NFKBIE: variants seen among roughly 807,000 people sequenced by gnomAD.
The protein encoded by NFKBIE is NF-kappa-B inhibitor epsilon.
Under a neutral mutation model 31.6 loss-of-function variants are expected in NFKBIE, and 11 were observed. The observed-to-expected ratio is 0.35, with a 90% CI of 0.22 to 0.58. The LOEUF is 0.58. Among genes scored for constraint, NFKBIE ranks in the 20% least tolerant of loss-of-function variants. The pLI, the probability that NFKBIE is intolerant of heterozygous loss-of-function variation, is 0.83. For missense variants in NFKBIE, 354 were observed against 465.7 expected (o/e 0.76, Z 2.21); for synonymous variants, 208 against 210.1 (o/e 0.99, Z 0.09).
At chr6:44,264,090 C>T (rs1045230967) in intron 1 of NFKBIE, among the ~76,000 whole-genome samples, 5 of 152,208 alleles carry the variant, frequency 3.3e-5, no homozygotes, top group African/African-American at 7.2e-5. Context: ...GGACAGCCAC[C>T]TCCTGCCTCC....
In NFKBIE at chr6:44,260,382, C is replaced by A; in HGVS notation, c.780+69G>T. 1 of 1,613,238 alleles carries A rather than the reference C, an allele frequency of 6.2e-7. No individual in the cohort carries two copies. On this transcript the variant is annotated intron_variant, in intron 4 of 5. Transcript: ENST00000619360. The surrounding 1 kb of genome is among the most constrained non-coding windows in gnomAD (Gnocchi z 5.5). ...AATGCCACCACTTCTGACTGCTGGGCAGGGGACTTGGGGATGTGTCAGGTG... is the reference window on the plus strand; with the variant it reads ...AATGCCACCACTTCTGACTGCTGGGAAGGGGACTTGGGGATGTGTCAGGTG...
In NFKBIE at chr6:44,260,416, C is replaced by T. The variant is rs1781854017; in HGVS notation, c.780+35G>A. The stretch of plus-strand genomic sequence containing the variant: ...TGGGGATGTGTCAGGTGGGGGCAGG[C>T]CCTGGGCCGGGCAGTGCTTTGCTGG... On this transcript the variant is annotated intron_variant, in intron 4 of 5. Transcript: ENST00000619360. The surrounding 1 kb of genome is among the most constrained non-coding windows in gnomAD (Gnocchi z 5.5). 1 of 1,613,882 alleles carries T rather than the reference C, an allele frequency of 6.2e-7. No homozygotes were observed. The highest frequency in any genetic ancestry group is 8.5e-7 in the Non-Finnish European group (1 of 1,179,786).
In NFKBIE at chr6:44,265,302, C is replaced by G; in HGVS notation, c.45G>C (p.Gln15His). Residue 15 changes from glutamine (Q) to histidine (H), a missense_variant, in exon 1 of 6, where the codon CAG (glutamine) becomes CAC (histidine). Transcript: ENST00000619360. ...GCAGAGACTCAATGCCAGAGTCGTA[C>G]TGGCTCTCCTCCGCCTCGTCCGGCC... ...RKGPDEAEES[Q>H]YDSGIESLRS... is the part of the protein sequence containing the mutation. 1 of 1,548,592 alleles carries G rather than the reference C, an allele frequency of 6.5e-7. No homozygotes were observed. Among genetic ancestry groups the G allele is most frequent in the East Asian group, 2.4e-5 (1 of 41,116 alleles).
Position 44,260,826 on chromosome 6 carries a change from A to AACAC in NFKBIE, c.692-291_692-288dup, listed in dbSNP as rs369958691. Among the ~76,000 whole-genome samples the AACAC allele has an allele frequency of 0.21, 24,910 of 118,720 alleles. 2,964 individuals carry two copies. The highest frequency in any genetic ancestry group is 0.44 in the East Asian group (1,601 of 3,646). The allele number at this position is 118,720 out of a possible 152,430, so 77.9% of individuals were successfully genotyped here. A position where few individuals can be genotyped will look rare whatever the true frequency, so the allele number is the denominator to read the frequency against. ...CACCCTCCTCCTATACACAAACTAC[A>AACAC]ACACACACACACACACACACACACA... On this transcript the variant is annotated intron_variant, in intron 3 of 5. Coordinates refer to ENST00000619360, the MANE Select transcript of NFKBIE (RefSeq NM_004556.3). The surrounding 1 kb of genome is among the most constrained non-coding windows in gnomAD (Gnocchi z 5.5).
intron 1 of NFKBIE, among the ~76,000 whole-genome samples, 176 bp from the exon 2 acceptor site, chr6:44,262,838 T>G (rs550780147): frequency 1.3e-5 from 2 of 151,968 alleles, no homozygotes; most frequent in East Asian, 3.9e-4. Context: ...GATCCTAGGG[T>G]TGGAGCTCCA....
chr6:44,259,424 C>T (rs578156429), intron 5 of NFKBIE, 140 bp from the exon 6 acceptor site: 3 of 659,942 alleles, frequency 4.5e-6, no homozygotes, highest in Non-Finnish European at 5.6e-6. Flanking sequence ...AATCTTCACA[C>T]GAATCCTCAA....
intron 1 of NFKBIE, among the ~76,000 whole-genome samples, chr6:44,262,876 C>G (rs568940964): frequency 2.6e-5 from 4 of 152,188 alleles, no homozygotes; most frequent in Admixed American, 2.6e-4. Flanking sequence ...TTCAGGAGGG[C>G]CTTGGCTGGG....
In NFKBIE at chr6:44,262,615, C is replaced by A; in HGVS notation, c.413G>T (p.Cys138Phe). 1 of 1,614,164 alleles carries A rather than the reference C, an allele frequency of 6.2e-7. No individual in the cohort carries two copies. Among genetic ancestry groups the A allele is most frequent in the Non-Finnish European group, 8.5e-7 (1 of 1,180,008 alleles). Residue 138 changes from cysteine to phenylalanine, a missense_variant, in exon 2 of 6, where the codon TGT (cysteine) becomes TTT (phenylalanine). Around this residue, in one of 2 missense-constraint regions of NFKBIE, gnomAD observed 183 missense variants for 310.6 expected, o/e 0.59. Coordinates refer to ENST00000619360, the MANE Select transcript of NFKBIE (RefSeq NM_004556.3). ...CTCCTGGGGCAGCAAAGCCAGGCAA[C>A]AGAGCAGCACCGCTGGGGCCTCATG... ...VIHEAPAVLL[C>F]CLALLPQEVL...
Position 44,260,199 on chromosome 6 carries a change from A to G in NFKBIE, c.864T>C (p.Gly288=), listed in dbSNP as rs765772810. 1.9e-6 allele frequency: 3 copies of G among 1,614,202 alleles called. No homozygotes were observed. Among genetic ancestry groups the G allele is most frequent in the Non-Finnish European group, 2.5e-6 (3 of 1,180,022 alleles). ...TCAGCATGCGGGCATCTACCTGGGCACCAGCCTGGAGCAGGAACTGTACCA... is the reference window on the plus strand; with the variant it reads ...TCAGCATGCGGGCATCTACCTGGGCGCCAGCCTGGAGCAGGAACTGTACCA... ...RGLVQFLLQA[G]AQVDARMLNG... is the part of the protein sequence containing the mutation. Residue 288 remains glycine (G), a synonymous_variant, in exon 5 of 6, where the codon GGT becomes GGC. Transcript: ENST00000619360. This position sits in a 1 kb window ranked among gnomAD's most constrained non-coding sequence, Gnocchi z 5.5.
chr6:44,258,895 G>C lies in NFKBIE; in HGVS notation c.*324C>G, dbSNP rs867887290. On this transcript the variant is annotated 3_prime_UTR_variant, in exon 6 of 6. Coordinates refer to ENST00000619360, the MANE Select transcript of NFKBIE (RefSeq NM_004556.3). Reference sequence around the variant, plus strand: ...AGTCCATGCTTCCTACTGGTTGGCAGTTTCAGGCTGACCCAACATGGGTAA... The same window carrying C: ...AGTCCATGCTTCCTACTGGTTGGCACTTTCAGGCTGACCCAACATGGGTAA... The C allele has an allele frequency of 8.0e-6, 2 of 251,164 alleles. No individual in the cohort carries two copies. Among genetic ancestry groups the C allele is most frequent in the Middle Eastern group, 1.5e-3 (1 of 650 alleles). The allele number at this position is 251,164 out of a possible 1,614,324, so 15.6% of individuals were successfully genotyped here.
rs1781835462 is a variant in NFKBIE at position 44,259,945 on chromosome 6, C to T, written c.1020+98G>A. On this transcript the variant is annotated intron_variant, in intron 5 of 5. Transcript: ENST00000619360. ...GTCAGTGGCAGAGTCCTGGTTATAC[C>T]CCAGGACTCCTGGCTCCCTGGCCCT... 3 of 1,493,934 alleles carry T rather than the reference C, an allele frequency of 2.0e-6. No individual in the cohort carries two copies. The Admixed American group carries it at 5.8e-5, about 29-fold the overall frequency. 92.5% of individuals were successfully genotyped at this position (1,493,934 alleles called of 1,614,324 possible). A position where few individuals can be genotyped will look rare whatever the true frequency, so the allele number is the denominator to read the frequency against.
rs1781927155 is a variant in NFKBIE at position 44,261,717 on chromosome 6, G to A, written c.600C>T (p.His200=). 2 of 1,614,020 alleles carry A rather than the reference G, an allele frequency of 1.2e-6. No individual in the cohort carries two copies. Among genetic ancestry groups the A allele is most frequent in the Admixed American group, 1.7e-5 (1 of 60,016 alleles). The part of the protein sequence containing the change: ...TALHVACQRQ[H]LACARCLLEG... Reference sequence around the variant, plus strand: ...CCAGCAGGCAGCGGGCACAGGCCAAGTGCTGGCGCTGGCAGGCCACATGAA... The same window carrying A: ...CCAGCAGGCAGCGGGCACAGGCCAAATGCTGGCGCTGGCAGGCCACATGAA... Residue 200 remains histidine, a synonymous_variant, in exon 3 of 6, where the codon CAC becomes CAT. Coordinates refer to ENST00000619360, the MANE Select transcript of NFKBIE (RefSeq NM_004556.3). This position sits in a 1 kb window ranked among gnomAD's most constrained non-coding sequence, Gnocchi z 4.3.
rs1295388774 is a variant in NFKBIE, at chr6:44,261,738, ATGAAGGG to A, written c.572_578del (p.Ala191ValfsTer99). On this transcript the variant is annotated frameshift_variant, in exon 3 of 6. Transcript: ENST00000619360. LOFTEE classifies it high-confidence loss of function. This position sits in a 1 kb window ranked among gnomAD's most constrained non-coding sequence, Gnocchi z 4.3. ...CCAAGTGCTGGCGCTGGCAGGCCAC[ATGAAGGG>A]CTGTGTCACCATGCCGGTCCTGTAG... 1 of 1,613,938 alleles carries A rather than the reference ATGAAGGG, an allele frequency of 6.2e-7. No individual in the cohort carries two copies. Among genetic ancestry groups the A allele is most frequent in the Non-Finnish European group, 8.5e-7 (1 of 1,180,026 alleles).
Position 44,261,532 on chromosome 6 carries a change from G to T in NFKBIE, c.691+94C>A. The T allele has an allele frequency of 7.5e-7, 1 of 1,335,346 alleles. No individual in the cohort carries two copies. Among genetic ancestry groups the T allele is most frequent in the Non-Finnish European group, 1.0e-6 (1 of 952,972 alleles). The allele number at this position is 1,335,346 out of a possible 1,614,324, so 82.7% of individuals were successfully genotyped here. A position where few individuals can be genotyped will look rare whatever the true frequency, so the allele number is the denominator to read the frequency against. On this transcript the variant is annotated intron_variant, in intron 3 of 5. Transcript: ENST00000619360. This position sits in a 1 kb window ranked among gnomAD's most constrained non-coding sequence, Gnocchi z 4.3. ...CAGTGGGAGGGGCACCAATGGACAAGCTGGGACCCTCCCTTCCCCAAGAGT... is the reference window on the plus strand; with the variant it reads ...CAGTGGGAGGGGCACCAATGGACAATCTGGGACCCTCCCTTCCCCAAGAGT...
At position 44,261,524 on chromosome 6, in the gene NFKBIE, A is replaced by G. The variant is rs571276006; in HGVS notation, c.691+102T>C. ...TGTGCTTACAGTGGGAGGGGCACCA[A>G]TGGACAAGCTGGGACCCTCCCTTCC... On this transcript the variant is annotated intron_variant, in intron 3 of 5. Coordinates refer to ENST00000619360, the MANE Select transcript of NFKBIE (RefSeq NM_004556.3). The surrounding 1 kb of genome is among the most constrained non-coding windows in gnomAD (Gnocchi z 4.3). The G allele has an allele frequency of 9.7e-4, 1,155 of 1,195,922 alleles. 21 individuals carry two copies. The South Asian group carries it at 0.015, about 16-fold the overall frequency. 74.1% of individuals were successfully genotyped at this position (1,195,922 alleles called of 1,614,324 possible). A position where few individuals can be genotyped will look rare whatever the true frequency, so the allele number is the denominator to read the frequency against.
chr6:44,263,182 T>C lies in NFKBIE; in HGVS notation c.366-520A>G, dbSNP rs1583009577. ...GGAGCAAGGAGACAGTGCAGCATCC[T>C]GTCCTGCTGCCCTTCCCTGGGAGTC... On this transcript the variant is annotated intron_variant, in intron 1 of 5. Coordinates refer to ENST00000619360, the MANE Select transcript of NFKBIE (RefSeq NM_004556.3). The surrounding 1 kb of genome is among the most constrained non-coding windows in gnomAD (Gnocchi z 5.0). Among the ~76,000 whole-genome samples, 1 of 152,382 alleles carries C rather than the reference T, an allele frequency of 6.6e-6. No individual in the cohort carries two copies. The highest frequency in any genetic ancestry group is 2.1e-4 in the South Asian group (1 of 4,834).
At position 44,259,101 on chromosome 6, in the gene NFKBIE, C is replaced by T. The variant is rs908835610; in HGVS notation, c.*118G>A. ...TGTACTGGCTGGCCCCAGGCTCTGGCCACAGCAGTCCCTAGGGCACCAGAA... is the reference window on the plus strand; with the variant it reads ...TGTACTGGCTGGCCCCAGGCTCTGGTCACAGCAGTCCCTAGGGCACCAGAA... On this transcript the variant is annotated 3_prime_UTR_variant, in exon 6 of 6. Transcript: ENST00000619360. 4.7e-6 allele frequency: 5 copies of T among 1,061,694 alleles called. No individual in the cohort carries two copies. Among genetic ancestry groups the T allele is most frequent in the African/African-American group, 4.7e-5 (3 of 63,828 alleles). The allele number at this position is 1,061,694 out of a possible 1,614,324, so 65.8% of individuals were successfully genotyped here. A position where few individuals can be genotyped will look rare whatever the true frequency, so the allele number is the denominator to read the frequency against.
chr6:44,265,334 G>T lies in NFKBIE; in HGVS notation c.13C>A (p.Arg5=), dbSNP rs2233432. The T allele has an allele frequency of 2.5e-4, 394 of 1,554,178 alleles. 1 individual carries two copies. The Middle Eastern group carries it at 4.5e-3, about 18-fold the overall frequency. Residue 5 remains arginine (R), a synonymous_variant, in exon 1 of 6, where the codon CGG becomes AGG. Coordinates refer to ENST00000619360, the MANE Select transcript of NFKBIE (RefSeq NM_004556.3). MSEA[R]KGPDEAEESQ... The stretch of plus-strand genomic sequence containing the variant: ...TCCTCCGCCTCGTCCGGCCCCTTCC[G>T]CGCCTCCGACATGCCCGCGGCTCTG...
intron 1 of NFKBIE, 53 bp from the exon 2 acceptor site, chr6:44,262,715 G>T: frequency 6.9e-7 from 1 of 1,456,726 alleles, no homozygotes; most frequent in Non-Finnish European, 9.6e-7. Flanking sequence ...AGAGGGAGTG[G>T]GTTGGGGTCT....
Sources: gnomAD v4.1 joint callset for allele counts (sites outside exome capture counted in the v4.1 genomes callset) on GRCh38, gnomAD v4.1.1 for gene constraint, gnomAD v4.1.1 regional missense constraint, Gnocchi (gnomAD v3.1) non-coding constraint, MANE v1.5 for transcripts, NCBI Gene and HGNC (gene_info 2026-07-23, HGNC 2026-07-21) for gene names.